SRD5A1: variants seen among roughly 807,000 people sequenced by gnomAD.
SRD5A1 encodes the protein 3-oxo-5-alpha-steroid 4-dehydrogenase 1.
SRD5A1 carries 22 observed loss-of-function variants against 28.2 expected under a neutral mutation model. The observed-to-expected ratio is 0.78, with a 90% CI of 0.56 to 1.12. SRD5A1 has a LOEUF of 1.12. SRD5A1 is among the 50% of genes most tolerant of loss of function. The pLI is 0.00. For synonymous variants in SRD5A1, 151 were observed against 135.0 expected, an observed-to-expected ratio of 1.12 and a Z score of -0.82; for missense variants, 300 against 346.7, an observed-to-expected ratio of 0.87 and a Z score of 1.07.
rs1480763805 is a variant in SRD5A1 at position 6,654,581 on chromosome 5, C to T, written c.461-1497C>T. ...CAGAGTAGCTGGGATTACAGGCTTG[C>T]GCCATCTTACCTGGTTAATTTTTGT... On this transcript the variant is annotated intron_variant, in intron 2 of 4. Transcript: ENST00000274192. Among the ~76,000 whole-genome samples, 6 of 152,022 alleles carry T rather than the reference C, an allele frequency of 3.9e-5. No homozygotes were observed. In the East Asian group the frequency reaches 1.2e-3, roughly 29 times the overall value.
chr5:6,649,598 C>T (rs1424713879), intron 1 of SRD5A1, among the ~76,000 whole-genome samples: 3 of 152,202 alleles, frequency 2.0e-5, no homozygotes, highest in African/African-American at 2.4e-5. Context: ...CTGCTGGTTG[C>T]GAAGACTATG....
rs369383105 is a variant in SRD5A1 at position 6,664,755 on chromosome 5, G to A, written c.713+1789G>A. On this transcript the variant is annotated intron_variant, in intron 4 of 4. Coordinates refer to ENST00000274192, the MANE Select transcript of SRD5A1 (RefSeq NM_001047.4). ...GATAGCATAAATGTGAGCTCTAAGA[G>A]CAGCGCCCCGCATTCTTCGAGACAC... Among the ~76,000 whole-genome samples, 4 of 152,368 alleles carry A rather than the reference G, an allele frequency of 2.6e-5. No homozygotes were observed. In the East Asian group the frequency reaches 7.7e-4, roughly 29 times the overall value.
chr5:6,642,213 C>CTG (rs1491187543), intron 1 of SRD5A1, among the ~76,000 whole-genome samples: 1 of 95,420 alleles, frequency 1.0e-5, no homozygotes, highest in African/African-American at 5.2e-5. Context: ...GTAAATGTTC[C>CTG]TCTCAGTGTT....
intron 1 of SRD5A1, among the ~76,000 whole-genome samples, chr5:6,635,518 G>A (rs1420698873): frequency 1.3e-5 from 2 of 152,210 alleles, no homozygotes; most frequent in Admixed American, 1.3e-4. Flanking sequence ...CCCGCAGCAA[G>A]GTTTCCCCAC....
chr5:6,661,129 G>A (rs1475583086), intron 3 of SRD5A1, among the ~76,000 whole-genome samples: 1 of 152,122 alleles, frequency 6.6e-6, no homozygotes, highest in African/African-American at 2.4e-5. Context: ...CAAGCTTACA[G>A]AAAAGTAGTA....
chr5:6,652,819 A>G (rs1738717194), intron 2 of SRD5A1, among the ~76,000 whole-genome samples: 1 of 146,100 alleles, frequency 6.8e-6, no homozygotes, highest in African/African-American at 2.5e-5. Context: ...GGCTGCAGTA[A>G]GCCATGATTG....
At chr5:6,634,184 G>A (rs1026639969) in intron 1 of SRD5A1, among the ~76,000 whole-genome samples, 3 of 152,200 alleles carry the variant, frequency 2.0e-5, no homozygotes, top group Middle Eastern at 3.2e-3. Context: ...TTCCTTAGCC[G>A]GGCGCGGTGG....
intron 3 of SRD5A1, among the ~76,000 whole-genome samples, chr5:6,658,504 C>A (rs1255384145): frequency 6.6e-6 from 1 of 152,152 alleles, no homozygotes; most frequent in Admixed American, 6.5e-5. Flanking sequence ...AGTAATCAAC[C>A]CAGCTTCCTG....
chr5:6,653,249 G>A (rs900936519), intron 2 of SRD5A1, among the ~76,000 whole-genome samples: 1 of 152,130 alleles, frequency 6.6e-6, no homozygotes, highest in Non-Finnish European at 1.5e-5. Flanking sequence ...TCGTTACAGT[G>A]AGACACCTGT....
At position 6,651,833 on chromosome 5, in the gene SRD5A1, T is replaced by C. The variant is rs775357688; in HGVS notation, c.294-9T>C. ...TTTAAAAAATTGTGCCTGTTTCTTGTTTCCTAAGGTGCTTAATTTACCCAT... is the reference window on the plus strand; with the variant it reads ...TTTAAAAAATTGTGCCTGTTTCTTGCTTCCTAAGGTGCTTAATTTACCCAT... On this transcript the variant is annotated splice_polypyrimidine_tract_variant and intron_variant, in intron 1 of 4. Transcript: ENST00000274192. 6.3e-7 allele frequency: 1 copy of C among 1,578,690 alleles called. No individual in the cohort carries two copies. Among genetic ancestry groups the C allele is most frequent in the Non-Finnish European group, 8.6e-7 (1 of 1,161,014 alleles).
At chr5:6,639,792 T>TA (rs1738307360) in intron 1 of SRD5A1, among the ~76,000 whole-genome samples, 3 of 152,348 alleles carry the variant, frequency 2.0e-5, no homozygotes, top group African/African-American at 7.2e-5. Context: ...TGAACAAACT[T>TA]ACAGGTGAAA....
At chr5:6,647,026 G>C (rs530284985) in intron 1 of SRD5A1, among the ~76,000 whole-genome samples, 2 of 152,084 alleles carry the variant, frequency 1.3e-5, no homozygotes, top group African/African-American at 4.8e-5. Context: ...CTTTCATTTT[G>C]TTATTTATCC....
intron 3 of SRD5A1, among the ~76,000 whole-genome samples, chr5:6,661,825 G>A (rs969106937): frequency 2.0e-5 from 3 of 152,008 alleles, no homozygotes; most frequent in Non-Finnish European, 4.4e-5. Context: ...GAGCCACTGC[G>A]CCCAGCCTAA....
Position 6,672,008 on chromosome 5 carries a change from G to A in SRD5A1, c.*3740G>A, listed in dbSNP as rs1338590003. 1 of 152,144 alleles carries A rather than the reference G, an allele frequency of 6.6e-6. No individual in the cohort carries two copies. The highest frequency in any genetic ancestry group is 1.5e-5 in the Non-Finnish European group (1 of 68,056). The allele number at this position is 152,144 out of a possible 1,614,324, so 9.4% of individuals were successfully genotyped here. On this transcript the variant is annotated 3_prime_UTR_variant, in exon 5 of 5. Coordinates refer to ENST00000274192, the MANE Select transcript of SRD5A1 (RefSeq NM_001047.4). The stretch of plus-strand genomic sequence containing the variant: ...CGTTTGTTATTTCCTGGTGCTTAGG[G>A]AAGAAAATAATTGATGTTGTGAGTT...
intron 1 of SRD5A1, among the ~76,000 whole-genome samples, chr5:6,638,678 T>G (rs1233323512): frequency 6.6e-6 from 1 of 152,218 alleles, no homozygotes; most frequent in Non-Finnish European, 1.5e-5. Flanking sequence ...CCTCATAGAT[T>G]GGAATAATCT....
intron 3 of SRD5A1, among the ~76,000 whole-genome samples, chr5:6,660,925 G>A (rs891992238): frequency 1.3e-5 from 2 of 152,144 alleles, no homozygotes; most frequent in African/African-American, 2.4e-5. Context: ...GAGAGCGAGT[G>A]AAGGGGGATC....
intron 1 of SRD5A1, among the ~76,000 whole-genome samples, chr5:6,650,132 A>C (rs954428905): frequency 1.6e-4 from 25 of 151,990 alleles, no homozygotes; most frequent in African/African-American, 5.3e-4. Flanking sequence ...CAAGTTGTTA[A>C]ATTTATTGGT....
rs925201149 is a variant in SRD5A1, at chr5:6,660,513, A to G, written c.563-2303A>G. Reference sequence around the variant, plus strand: ...CAGATCATGATTAACGTAATCTTGTAGAAAGTTGAAGCAGTTACAGAAATG... The same window carrying G: ...CAGATCATGATTAACGTAATCTTGTGGAAAGTTGAAGCAGTTACAGAAATG... On this transcript the variant is annotated intron_variant, in intron 3 of 4. Transcript: ENST00000274192. Among the ~76,000 whole-genome samples the G allele has an allele frequency of 3.4e-4, 51 of 152,238 alleles. 5 individuals are homozygous for G. The highest frequency in any genetic ancestry group is 7.3e-5 in the Non-Finnish European group (5 of 68,044).
chr5:6,651,761 A>G, intron 1 of SRD5A1, 81 bp from the exon 2 acceptor site: 1 of 1,357,516 alleles, frequency 7.4e-7, no homozygotes, highest in Non-Finnish European at 1.0e-6. Context: ...AAGATTTAAA[A>G]CCCAAATCAT....
Sources: allele counts gnomAD v4.1 joint callset (sites outside exome capture counted in the v4.1 genomes callset), GRCh38; gene constraint gnomAD v4.1.1; transcripts MANE v1.5; gene names NCBI Gene and HGNC (gene_info 2026-07-23, HGNC 2026-07-21).